RALYL: variants seen among roughly 807,000 people sequenced by gnomAD.
RALYL encodes RNA-binding Raly-like protein.
Under a neutral mutation model 35.1 loss-of-function variants are expected in RALYL, and 29 were observed. The ratio of observed to expected loss-of-function variants is 0.83; its 90% CI spans 0.61 to 1.13. RALYL has a LOEUF of 1.13. Among genes scored for constraint, RALYL ranks in the 50% most tolerant of loss-of-function variants. The pLI is 0.00. For synonymous variants in RALYL, 120 were observed against 127.6 expected (o/e 0.94, Z 0.40); for missense variants, 359 against 360.4 (o/e 1.00, Z 0.03).
At chr8:84,466,692 T>C (rs2051715981) in intron 1 of RALYL, among the ~76,000 whole-genome samples, 1 of 152,012 alleles carries the variant, frequency 6.6e-6, no homozygotes, top group East Asian at 1.9e-4. Context: ...CTTTTTCTAT[T>C]GATTAGAATA....
chr8:84,470,176 C>G (rs1232459967), intron 1 of RALYL, among the ~76,000 whole-genome samples: 1 of 152,084 alleles, frequency 6.6e-6, no homozygotes, highest in South Asian at 2.1e-4. Flanking sequence ...CCAAAACAAG[C>G]TTTTTTATAA....
chr8:84,823,022 G>A (rs1273335876), intron 4 of RALYL, among the ~76,000 whole-genome samples: 1 of 152,120 alleles, frequency 6.6e-6, no homozygotes, highest in African/African-American at 2.4e-5. Flanking sequence ...ATTCAGTAAA[G>A]CAGTGCCAAT....
chr8:84,379,309 C>T (rs1857494244), intron 1 of RALYL, among the ~76,000 whole-genome samples: 1 of 151,814 alleles, frequency 6.6e-6, no homozygotes, highest in Non-Finnish European at 1.5e-5. Flanking sequence ...AAAATTAGGC[C>T]TAGATCGTTT....
At chr8:84,563,278 CA>C (rs2061576420) in intron 2 of RALYL, among the ~76,000 whole-genome samples, 1 of 151,744 alleles carries the variant, frequency 6.6e-6, no homozygotes, top group Non-Finnish European at 1.5e-5. Flanking sequence ...TCTCATGAAA[CA>C]TAAGCTCATG....
chr8:84,532,557 TATTAGTGTC>T (rs2059342755), intron 2 of RALYL, among the ~76,000 whole-genome samples: 2 of 152,032 alleles, frequency 1.3e-5, no homozygotes, highest in South Asian at 4.1e-4. Context: ...ATGAAGTTAT[TATTAGTGTC>T]AGGTACCACG....
chr8:84,314,283 G>A (rs1212251487), intron 1 of RALYL, among the ~76,000 whole-genome samples: 1 of 152,064 alleles, frequency 6.6e-6, no homozygotes, highest in East Asian at 1.9e-4. Flanking sequence ...TGAGATTTGG[G>A]TGGAGATACA....
chr8:84,881,870 G>A (rs1842221663), intron 7 of RALYL, among the ~76,000 whole-genome samples: 1 of 151,772 alleles, frequency 6.6e-6, no homozygotes, highest in Admixed American at 6.6e-5. Flanking sequence ...GTCAAATTAG[G>A]CCTTCTTTTT....
rs1840405212 is a variant in RALYL, at chr8:84,299,681, C to A, written c.-24+115257C>A. Among the ~76,000 whole-genome samples, 3 of 151,946 alleles carry A rather than the reference C, an allele frequency of 2.0e-5. No individual in the cohort carries two copies. In the South Asian group the frequency reaches 6.2e-4, roughly 31 times the overall value. On this transcript the variant is annotated intron_variant, in intron 1 of 8. Transcript: ENST00000521268. ...CTCTGATTAGAATTTCAATTTCCTG[C>A]TGATTTAAACTTGGGAGTTTGTATA...
At chr8:84,856,727 G>A (rs1837060962) in intron 5 of RALYL, among the ~76,000 whole-genome samples, 1 of 152,158 alleles carries the variant, frequency 6.6e-6, no homozygotes, top group Non-Finnish European at 1.5e-5. Flanking sequence ...TACACTACCA[G>A]CCTATAAGAA....
At chr8:84,725,430 A>G (rs568846323) in intron 2 of RALYL, among the ~76,000 whole-genome samples, 2 of 151,892 alleles carry the variant, frequency 1.3e-5, no homozygotes, top group African/African-American at 4.8e-5. Context: ...TGTATTAAAC[A>G]GTAACTTTGA....
At chr8:84,298,318 G>A (rs866680520) in intron 1 of RALYL, among the ~76,000 whole-genome samples, 1 of 151,932 alleles carries the variant, frequency 6.6e-6, no homozygotes, top group Non-Finnish European at 1.5e-5. Context: ...TGTTTTTGCT[G>A]ACTTTGTTGA....
intron 1 of RALYL, among the ~76,000 whole-genome samples, chr8:84,382,113 C>T (rs774804788): frequency 6.6e-6 from 1 of 150,776 alleles, no homozygotes; most frequent in African/African-American, 2.4e-5. Context: ...TTTATTTCCT[C>T]TATGATTGAG....
chr8:84,815,120 A>T (rs1826877022), intron 4 of RALYL, among the ~76,000 whole-genome samples: 1 of 152,180 alleles, frequency 6.6e-6, no homozygotes, highest in African/African-American at 2.4e-5. Context: ...CCTGTTTTAA[A>T]TGCATGTGGT....
Position 84,785,921 on chromosome 8 carries a change from C to G in RALYL, c.332+11267C>G, listed in dbSNP as rs578092390. On this transcript the variant is annotated intron_variant, in intron 3 of 8. Transcript: ENST00000521268. ...CATGGTAGTTTGCTGCACCTATCAA[C>G]CCATCACCTAGGTATTAAGCCCAGC... is the stretch of plus-strand genomic sequence containing the variant. 9.1e-4 allele frequency among the ~76,000 whole-genome samples: 139 copies of G among 152,308 alleles called. 1 individual carries two copies. The South Asian group carries it at 0.02, about 22-fold the overall frequency.
At chr8:84,393,305 T>G (rs1861113494) in intron 1 of RALYL, among the ~76,000 whole-genome samples, 1 of 152,096 alleles carries the variant, frequency 6.6e-6, no homozygotes, top group African/African-American at 2.4e-5. Context: ...GCTGTTGGAC[T>G]GAGGGCCTCA....
At chr8:84,705,747 T>C (rs1490430656) in intron 2 of RALYL, among the ~76,000 whole-genome samples, 1 of 152,172 alleles carries the variant, frequency 6.6e-6, no homozygotes, top group African/African-American at 2.4e-5. Flanking sequence ...AGCAGTTTAG[T>C]AGTACAGATT....
chr8:84,410,967 G>A (rs1240774486), intron 1 of RALYL, among the ~76,000 whole-genome samples: 1 of 151,602 alleles, frequency 6.6e-6, no homozygotes, highest in Non-Finnish European at 1.5e-5. Context: ...ACTGAAAGTA[G>A]GAAATATTTC....
intron 2 of RALYL, among the ~76,000 whole-genome samples, chr8:84,543,955 C>T (rs1231259057): frequency 6.6e-6 from 1 of 152,018 alleles, no homozygotes; most frequent in Non-Finnish European, 1.5e-5. Flanking sequence ...ATTATGACTG[C>T]TCATTTGCTT....
chr8:84,717,732 G>A (rs1843177633), intron 2 of RALYL, among the ~76,000 whole-genome samples: 1 of 152,100 alleles, frequency 6.6e-6, no homozygotes, highest in Non-Finnish European at 1.5e-5. Flanking sequence ...CACTACAATG[G>A]TAATATTATT....
Sources: gnomAD v4.1 joint callset for allele counts (sites outside exome capture counted in the v4.1 genomes callset) on GRCh38, gnomAD v4.1.1 for gene constraint, MANE v1.5 for transcripts, NCBI Gene and HGNC (gene_info 2026-07-23, HGNC 2026-07-21) for gene names.